Variants in CNTLN observed in about 807,000 individuals in gnomAD.
The protein encoded by CNTLN is centlein, centrosomal protein.
Under a neutral mutation model 180.0 loss-of-function variants are expected in CNTLN, and 212 were observed. The ratio of observed to expected loss-of-function variants is 1.18; its 90% CI spans 1.05 to 1.32. The LOEUF (loss-of-function observed/expected upper bound fraction) is 1.32, where lower values mean the gene tolerates loss of function less well. Ranked by LOEUF, CNTLN falls within the 40% of genes most tolerant of loss-of-function variation. The pLI is 0.00. For synonymous variants in CNTLN, 722 were observed against 563.1 expected (o/e 1.28, Z -3.99); for missense variants, 2,095 against 1,610.9 (o/e 1.30, Z -5.14).
At chr9:17,302,088 G>GTA (rs1818399687) in intron 7 of CNTLN, 1 of 952,594 alleles carries the variant, frequency 1.0e-6, no homozygotes, top group Non-Finnish European at 1.2e-6. Flanking sequence ...ACACATATGT[G>GTA]TACACACACA....
At chr9:17,398,525 G>A (rs1336380318) in intron 15 of CNTLN, among the ~76,000 whole-genome samples, 1 of 152,188 alleles carries the variant, frequency 6.6e-6, no homozygotes, top group East Asian at 1.9e-4. Flanking sequence ...GGGATAGTAT[G>A]AAACATGCAG....
chr9:17,408,288 GACTT>G (rs1827565613), intron 15 of CNTLN, among the ~76,000 whole-genome samples: 1 of 151,996 alleles, frequency 6.6e-6, no homozygotes, highest in South Asian at 2.1e-4. Flanking sequence ...GTGGGAAAGG[GACTT>G]ACTTAAATGT....
rs754806899 is a variant in CNTLN at position 17,298,172 on chromosome 9, A to G, written c.984-18A>G. On this transcript the variant is annotated intron_variant, in intron 6 of 25. Transcript: ENST00000380647. Reference sequence around the variant, plus strand: ...TCTTTATCCATACTTTTCTCTATTTATTGCTTGCTTTGCACAGGAAGGAAC... The same window carrying G: ...TCTTTATCCATACTTTTCTCTATTTGTTGCTTGCTTTGCACAGGAAGGAAC... 7.1e-7 allele frequency: 1 copy of G among 1,416,256 alleles called. No individual in the cohort carries two copies. The highest frequency in any genetic ancestry group is 2.6e-5 in the Admixed American group (1 of 37,744). The allele number at this position is 1,416,256 out of a possible 1,614,324, so 87.7% of individuals were successfully genotyped here.
chr9:17,171,356 G>A (rs879842957), intron 2 of CNTLN, among the ~76,000 whole-genome samples: 3 of 152,072 alleles, frequency 2.0e-5, no homozygotes, highest in Non-Finnish European at 4.4e-5. Flanking sequence ...AGTGCTGGCT[G>A]GATGAGGTGC....
chr9:17,450,833 TTTGGTTA>T (rs1830741244), intron 18 of CNTLN, among the ~76,000 whole-genome samples: 1 of 152,126 alleles, frequency 6.6e-6, no homozygotes, highest in East Asian at 1.9e-4. Flanking sequence ...AAGGGTTTTT[TTTGGTTA>T]TTGGTTTTTA....
intron 2 of CNTLN, among the ~76,000 whole-genome samples, chr9:17,205,173 G>C (rs999837275): frequency 6.6e-6 from 1 of 152,132 alleles, no homozygotes; most frequent in South Asian, 2.1e-4. Context: ...AGACCACTTG[G>C]CTCCCTGGCT....
chr9:17,238,933 C>T (rs577779235), intron 5 of CNTLN, among the ~76,000 whole-genome samples: 1 of 152,228 alleles, frequency 6.6e-6, no homozygotes, highest in East Asian at 1.9e-4. Context: ...CATTCAGACA[C>T]TTTGAGGATT....
At chr9:17,481,479 C>T (rs1158068459) in intron 23 of CNTLN, among the ~76,000 whole-genome samples, 1 of 152,166 alleles carries the variant, frequency 6.6e-6, no homozygotes, top group Non-Finnish European at 1.5e-5. Context: ...ACAACACTGA[C>T]CAACCACACA....
chr9:17,245,224 G>A (rs1825728881), intron 5 of CNTLN, among the ~76,000 whole-genome samples: 3 of 151,766 alleles, frequency 2.0e-5, no homozygotes, highest in African/African-American at 7.3e-5. Flanking sequence ...AGCGTTCCTT[G>A]TAGGACAGAT....
intron 6 of CNTLN, among the ~76,000 whole-genome samples, chr9:17,293,774 G>A (rs1294239855): frequency 6.6e-6 from 1 of 152,156 alleles, no homozygotes; most frequent in African/African-American, 2.4e-5. Flanking sequence ...GTCGTAGGTA[G>A]TCACCAGCCC....
At chr9:17,512,168 C>T in the CNTLN span, among the ~76,000 whole-genome samples, 1 of 152,168 alleles carries the variant, frequency 6.6e-6, no homozygotes, top group African/African-American at 2.4e-5. Flanking sequence ...ATAGACCTTT[C>T]TCAGATTTGA....
chr9:17,499,793 T>G (rs1833648722), intron 25 of CNTLN, among the ~76,000 whole-genome samples: 1 of 152,178 alleles, frequency 6.6e-6, no homozygotes, highest in African/African-American at 2.4e-5. Flanking sequence ...TGACTGAGCC[T>G]TATGTATTTA....
intron 8 of CNTLN, among the ~76,000 whole-genome samples, chr9:17,318,164 A>G (rs1013879139): frequency 6.6e-6 from 1 of 151,446 alleles, no homozygotes; most frequent in Non-Finnish European, 1.5e-5. Context: ...AGTAGCTGGG[A>G]CTACAGGCGC....
At chr9:17,391,073 G>C (rs891516505) in intron 14 of CNTLN, among the ~76,000 whole-genome samples, 1 of 152,124 alleles carries the variant, frequency 6.6e-6, no homozygotes, top group African/African-American at 2.4e-5. Context: ...CAAAAACAAA[G>C]ACCCAGAGAA....
chr9:17,364,063 A>T (rs911841371), intron 12 of CNTLN, among the ~76,000 whole-genome samples: 3 of 152,126 alleles, frequency 2.0e-5, no homozygotes, highest in Admixed American at 6.6e-5. Context: ...GTTGTCCTGA[A>T]GTTTCACTAA....
intron 5 of CNTLN, among the ~76,000 whole-genome samples, chr9:17,262,871 G>A (rs1177256426): frequency 6.6e-6 from 1 of 151,260 alleles, no homozygotes; most frequent in Non-Finnish European, 1.5e-5. Flanking sequence ...GTAGTATTTT[G>A]GGGTGTGTTC....
Position 17,503,199 on chromosome 9 carries a change from G to A in CNTLN, c.*547G>A, listed in dbSNP as rs1274041157. On this transcript the variant is annotated 3_prime_UTR_variant, in exon 26 of 26. Transcript: ENST00000380647. The stretch of plus-strand genomic sequence containing the variant: ...TGTGCTGGTTTATGTAGGAGATACT[G>A]TGTATTTCTACAACTCTTTGGCAAA... The A allele has an allele frequency of 1.3e-5, 2 of 152,230 alleles. No individual in the cohort carries two copies. Among genetic ancestry groups the A allele is most frequent in the African/African-American group, 4.8e-5 (2 of 41,434 alleles). 9.4% of individuals were successfully genotyped at this position (152,230 alleles called of 1,614,324 possible). A position where few individuals can be genotyped will look rare whatever the true frequency, so the allele number is the denominator to read the frequency against.
chr9:17,434,488 T>C (rs1054717604), intron 18 of CNTLN, among the ~76,000 whole-genome samples: 7 of 152,088 alleles, frequency 4.6e-5, no homozygotes, highest in African/African-American at 1.7e-4. Context: ...TTGTGTATTA[T>C]TTAAAAATAT....
chr9:17,201,512 A>T (rs1331122973), intron 2 of CNTLN, among the ~76,000 whole-genome samples: 1 of 152,048 alleles, frequency 6.6e-6, no homozygotes, highest in Non-Finnish European at 1.5e-5. Context: ...TCAATTGCAG[A>T]ACTTGTTATT....
Sources: gnomAD v4.1 joint callset for allele counts (sites outside exome capture counted in the v4.1 genomes callset) on GRCh38, gnomAD v4.1.1 for gene constraint, MANE v1.5 for transcripts, NCBI Gene and HGNC (gene_info 2026-07-23, HGNC 2026-07-21) for gene names.